The following PCDHA3 variants were observed in gnomAD, a reference collection of about 807,000 sequenced individuals.
The protein encoded by PCDHA3 is protocadherin alpha-3.
In PCDHA3, 41 loss-of-function variants were observed where a neutral mutation model predicts 62.2. The observed-to-expected ratio is 0.66, with a 90% CI of 0.51 to 0.86. The LOEUF (loss-of-function observed/expected upper bound fraction) is 0.86. PCDHA3 is among the 40% of genes least tolerant of loss of function. PCDHA3 has a pLI of 0.00. For missense variants in PCDHA3, 1,304 were observed against 1,241.2 expected, an observed-to-expected ratio of 1.05 and a Z score of -0.76; for synonymous variants, 640 against 555.4, an observed-to-expected ratio of 1.15 and a Z score of -2.14.
chr5:140,924,597 G>A lies in PCDHA3; in HGVS notation c.2395-54352G>A, dbSNP rs1278228526. ...ATGTTTTCAAATATTATAGAAATATGCAGGCTGATGCCAGGTGCGGTGGCA... is the reference window on the plus strand; with the variant it reads ...ATGTTTTCAAATATTATAGAAATATACAGGCTGATGCCAGGTGCGGTGGCA... On this transcript the variant is annotated intron_variant, in intron 1 of 3. Coordinates refer to ENST00000522353, the MANE Select transcript of PCDHA3 (RefSeq NM_018906.3). Among the ~76,000 whole-genome samples the A allele has an allele frequency of 2.6e-5, 4 of 152,078 alleles. No homozygotes were observed. The East Asian group carries it at 7.7e-4, about 29-fold the overall frequency.
chr5:140,824,431 G>A (rs1581810357), intron 1 of PCDHA3: 2 of 491,526 alleles, frequency 4.1e-6, no homozygotes, highest in Non-Finnish European at 7.1e-6. Context: ...CATTCTCAAA[G>A]TTTCAGTTTA....
intron 1 of PCDHA3, among the ~76,000 whole-genome samples, chr5:140,923,489 A>G (rs549066009): frequency 2.2e-4 from 34 of 152,300 alleles, no homozygotes; most frequent in African/African-American, 7.5e-4. Context: ...TCTTCACACC[A>G]CTGCACTCCA....
At chr5:140,980,189 A>T (rs2096879459) in intron 2 of PCDHA3, among the ~76,000 whole-genome samples, 1 of 152,226 alleles carries the variant, frequency 6.6e-6, no homozygotes, top group African/African-American at 2.4e-5. Context: ...CTTTATATTT[A>T]TTAGAGACCA....
chr5:140,857,694 C>G (rs1554150531), intron 1 of PCDHA3: 3 of 1,597,142 alleles, frequency 1.9e-6, no homozygotes, highest in South Asian at 1.1e-5. Context: ...AGCAACTTGA[C>G]GCTGCAGGTG....
chr5:140,848,447 C>G, intron 1 of PCDHA3: 1 of 1,507,352 alleles, frequency 6.6e-7, no homozygotes, highest in East Asian at 2.3e-5. Flanking sequence ...ATGATTTCTT[C>G]TAATTTGGAG....
At chr5:140,900,626 T>C (rs958637463) in intron 1 of PCDHA3, among the ~76,000 whole-genome samples, 6 of 152,230 alleles carry the variant, frequency 3.9e-5, no homozygotes, top group Non-Finnish European at 7.3e-5. Flanking sequence ...TGCTTCCAAA[T>C]CTTGGCTATT....
intron 1 of PCDHA3, among the ~76,000 whole-genome samples, chr5:140,949,788 G>C (rs2094421903): frequency 6.6e-6 from 1 of 151,684 alleles, no homozygotes; most frequent in Non-Finnish European, 1.5e-5. Context: ...GTTTAGATTT[G>C]TGTCCTTCAA....
intron 3 of PCDHA3, among the ~76,000 whole-genome samples, chr5:140,993,386 A>C (rs1435793353): frequency 6.6e-6 from 1 of 151,354 alleles, no homozygotes; most frequent in Non-Finnish European, 1.5e-5. Flanking sequence ...GGGTCCCTGA[A>C]ACTCCATCAT....
At chr5:140,921,777 C>G (rs1434211783) in intron 1 of PCDHA3, among the ~76,000 whole-genome samples, 1 of 152,030 alleles carries the variant, frequency 6.6e-6, no homozygotes, top group Non-Finnish European at 1.5e-5. Flanking sequence ...TCAATACTGA[C>G]TTGGATGTTC....
At chr5:140,933,721 C>T (rs957167505) in intron 1 of PCDHA3, among the ~76,000 whole-genome samples, 1 of 151,982 alleles carries the variant, frequency 6.6e-6, no homozygotes, top group African/African-American at 2.4e-5. Flanking sequence ...ATTGGTGATA[C>T]AGCTTTCTTA....
At chr5:140,967,221 A>G (rs1198233262) in intron 1 of PCDHA3, 3 of 1,613,620 alleles carry the variant, frequency 1.9e-6, no homozygotes, top group African/African-American at 1.3e-5. Context: ...CCGCGGCCCA[A>G]CTACCAGCTT....
At chr5:141,005,558 C>T (rs367751568) in intron 3 of PCDHA3, among the ~76,000 whole-genome samples, 1 of 151,122 alleles carries the variant, frequency 6.6e-6, no homozygotes, top group Non-Finnish European at 1.5e-5. Context: ...AAAAATTAGC[C>T]GGGCATGGTG....
chr5:140,901,069 T>C (rs1175492593), intron 1 of PCDHA3, among the ~76,000 whole-genome samples: 2 of 152,186 alleles, frequency 1.3e-5, no homozygotes, highest in Admixed American at 6.5e-5. Context: ...GATTTTTTTT[T>C]CTATAGAGTT....
intron 1 of PCDHA3, chr5:140,856,867 C>G (rs1554149232): frequency 6.3e-7 from 1 of 1,595,186 alleles, no homozygotes; most frequent in East Asian, 2.2e-5. Context: ...AAGGAATAAA[C>G]AAGGAAATGA....
chr5:140,916,721 T>G (rs2077698319), intron 1 of PCDHA3, among the ~76,000 whole-genome samples: 1 of 152,186 alleles, frequency 6.6e-6, no homozygotes, highest in Non-Finnish European at 1.5e-5. Context: ...AAGGAGTGAC[T>G]TTTGTTGCTG....
At chr5:140,864,608 T>C (rs1180007033) in intron 1 of PCDHA3, 3 of 152,188 alleles carry the variant, frequency 2.0e-5, no homozygotes, top group Non-Finnish European at 4.4e-5. Context: ...GCCAACAACT[T>C]TGTTCTTTTT....
chr5:140,817,402 T>A (rs1370832974), intron 1 of PCDHA3: 2 of 152,226 alleles, frequency 1.3e-5, no homozygotes, highest in Non-Finnish European at 2.9e-5. Flanking sequence ...GTCCTTGTAT[T>A]GTTGTTGAGT....
chr5:140,968,125 TAC>T, intron 1 of PCDHA3: 1 of 1,614,174 alleles, frequency 6.2e-7, no homozygotes, highest in Non-Finnish European at 8.5e-7. Context: ...CATCCCTGCG[TAC>T]ACTGAAGGTT....
At chr5:140,854,069 A>G (rs1432539790) in intron 1 of PCDHA3, 1 of 273,288 alleles carries the variant, frequency 3.7e-6, no homozygotes, top group Non-Finnish European at 5.6e-6. Context: ...GGCTGAGGCG[A>G]GAGAATCGCT....
Sources: gnomAD v4.1 joint callset for allele counts (sites outside exome capture counted in the v4.1 genomes callset) on GRCh38, gnomAD v4.1.1 for gene constraint, MANE v1.5 for transcripts, NCBI Gene and HGNC (gene_info 2026-07-23, HGNC 2026-07-21) for gene names.